Variants in DYNC1I1 observed in about 807,000 individuals in gnomAD.
The protein encoded by DYNC1I1 is dynein cytoplasmic 1 intermediate chain 1, also known as cytoplasmic dynein 1 intermediate chain 1.
Under a neutral mutation model 86.6 loss-of-function variants are expected in DYNC1I1, and 43 were observed. The observed-to-expected ratio is 0.50, with a 90% CI of 0.39 to 0.64. DYNC1I1 has a LOEUF of 0.64. Among genes scored for constraint, DYNC1I1 ranks in the 30% least tolerant of loss-of-function variants. The pLI, the probability that DYNC1I1 is intolerant of heterozygous loss-of-function variation, is 0.00. For missense variants in DYNC1I1, 604 were observed against 788.8 expected (o/e 0.77, Z 2.81); for synonymous variants, 262 against 283.7 (o/e 0.92, Z 0.77).
chr7:95,984,194 T>A (rs1793525195), intron 7 of DYNC1I1, among the ~76,000 whole-genome samples: 1 of 152,212 alleles, frequency 6.6e-6, no homozygotes, highest in East Asian at 1.9e-4. Flanking sequence ...GGTTGTTTTA[T>A]AGAAGCATGT....
intron 16 of DYNC1I1, among the ~76,000 whole-genome samples, chr7:96,087,808 G>A (rs754187017): frequency 1.3e-5 from 2 of 152,066 alleles, no homozygotes; most frequent in Non-Finnish European, 2.9e-5. Flanking sequence ...AAGTCAAGGG[G>A]CACCAAGATA....
rs1191933808 is a variant in DYNC1I1 at position 95,902,086 on chromosome 7, T to C, written c.490+32088T>C. On this transcript the variant is annotated intron_variant, in intron 6 of 16. Transcript: ENST00000447467. ...TTTCTTTAGCTGCTGTCTGCAAATA[T>C]TGGTATTTAAGGGCGGCTCTAAAGT... 3.9e-5 allele frequency among the ~76,000 whole-genome samples: 6 copies of C among 152,266 alleles called. No individual in the cohort carries two copies. The East Asian group carries it at 1.2e-3, about 30-fold the overall frequency.
intron 16 of DYNC1I1, among the ~76,000 whole-genome samples, chr7:96,081,025 G>T (rs994566142): frequency 4.2e-5 from 6 of 141,616 alleles, no homozygotes; most frequent in African/African-American, 1.7e-4. Context: ...AGCCGAGATT[G>T]CACCACTGCA....
intron 14 of DYNC1I1, among the ~76,000 whole-genome samples, chr7:96,049,133 C>T (rs989960070): frequency 6.6e-6 from 1 of 151,852 alleles, no homozygotes; most frequent in Non-Finnish European, 1.5e-5. Context: ...TGGCGGGTGC[C>T]TGTAGTCCCA....
chr7:95,808,861 ATAG>A (rs765476005), intron 2 of DYNC1I1, among the ~76,000 whole-genome samples: 16 of 152,166 alleles, frequency 1.1e-4, no homozygotes, highest in Non-Finnish European at 7.4e-5. Flanking sequence ...TCATTAAAAC[ATAG>A]TAGGATTCTG....
At chr7:95,900,153 C>T (rs1438041825) in intron 6 of DYNC1I1, among the ~76,000 whole-genome samples, 1 of 152,152 alleles carries the variant, frequency 6.6e-6, no homozygotes, top group East Asian at 1.9e-4. Flanking sequence ...GAGGTCCATC[C>T]TACTGCATTT....
rs1442050823 is a variant in DYNC1I1, at chr7:96,007,333, G to A, written c.969+11260G>A. On this transcript the variant is annotated intron_variant, in intron 10 of 16. Coordinates refer to ENST00000447467, the MANE Select transcript of DYNC1I1 (RefSeq NM_001135556.2). ...TGTCTGTATCATGGATACTTATCCT[G>A]AGGGATCCAACAGTGTTGAATCTTG... 2.0e-5 allele frequency among the ~76,000 whole-genome samples: 3 copies of A among 152,134 alleles called. No homozygotes were observed. In the East Asian group the frequency reaches 5.8e-4, roughly 29 times the overall value.
intron 4 of DYNC1I1, among the ~76,000 whole-genome samples, chr7:95,819,523 C>G (rs1403985385): frequency 6.6e-6 from 1 of 152,048 alleles, no homozygotes; most frequent in Non-Finnish European, 1.5e-5. Context: ...AAAGCATCAT[C>G]ATCTTCTAAG....
At chr7:96,095,251 A>G (rs1790967584) in intron 16 of DYNC1I1, among the ~76,000 whole-genome samples, 1 of 152,214 alleles carries the variant, frequency 6.6e-6, no homozygotes, top group Admixed American at 6.5e-5. Context: ...AACTGTGTGT[A>G]GACATTTATT....
chr7:96,107,158 CTGAGA>C (rs1451817690), intron 16 of DYNC1I1, among the ~76,000 whole-genome samples: 1 of 151,956 alleles, frequency 6.6e-6, no homozygotes, highest in Non-Finnish European at 1.5e-5. Context: ...TCCCGAGAAG[CTGAGA>C]TTACAGGTGC....
chr7:96,049,798 G>A (rs1273432471), intron 14 of DYNC1I1, among the ~76,000 whole-genome samples: 3 of 152,052 alleles, frequency 2.0e-5, no homozygotes, highest in Non-Finnish European at 2.9e-5. Context: ...TTGGGAAGCC[G>A]AGGTGAGCGG....
At chr7:95,832,910 T>G (rs1395056722) in intron 5 of DYNC1I1, among the ~76,000 whole-genome samples, 1 of 152,140 alleles carries the variant, frequency 6.6e-6, no homozygotes, top group Non-Finnish European at 1.5e-5. Context: ...TTTCTCCCAT[T>G]TTGTAGGTTG....
intron 5 of DYNC1I1, among the ~76,000 whole-genome samples, chr7:95,865,426 C>G (rs914320057): frequency 6.6e-6 from 1 of 151,850 alleles, no homozygotes; most frequent in African/African-American, 2.4e-5. Flanking sequence ...TCCCTTTTTT[C>G]CTCTCTACCT....
At chr7:95,980,180 CAAAAAGAA>C (rs1793418778) in intron 7 of DYNC1I1, among the ~76,000 whole-genome samples, 17 of 152,202 alleles carry the variant, frequency 1.1e-4, no homozygotes, top group Admixed American at 9.2e-4. Flanking sequence ...TGTTAAAAGT[CAAAAAGAA>C]GTTTGAAAGA....
intron 14 of DYNC1I1, among the ~76,000 whole-genome samples, chr7:96,048,823 A>G (rs1388325733): frequency 6.6e-6 from 1 of 152,194 alleles, no homozygotes; most frequent in East Asian, 1.9e-4. Context: ...CGGTGAATGT[A>G]TTTGAAACCC....
intron 6 of DYNC1I1, among the ~76,000 whole-genome samples, chr7:95,898,658 A>G (rs925737149): frequency 7.2e-5 from 11 of 152,220 alleles, no homozygotes; most frequent in African/African-American, 2.7e-4. Context: ...TTACTTCTTT[A>G]TGCAAAGGAA....
chr7:95,876,593 CAG>C (rs1790314866), intron 6 of DYNC1I1, among the ~76,000 whole-genome samples: 1 of 152,130 alleles, frequency 6.6e-6, no homozygotes. Flanking sequence ...CAAAGACAAA[CAG>C]AAAAGCATAT....
intron 6 of DYNC1I1, among the ~76,000 whole-genome samples, chr7:95,875,701 C>T (rs1277303359): frequency 6.6e-6 from 1 of 152,194 alleles, no homozygotes; most frequent in Non-Finnish European, 1.5e-5. Context: ...TGCTGGCTGA[C>T]ATCTGTTGCC....
intron 7 of DYNC1I1, among the ~76,000 whole-genome samples, chr7:95,980,235 TC>T (rs760317133): frequency 1.2e-4 from 18 of 152,020 alleles, no homozygotes; most frequent in Middle Eastern, 3.2e-3. Flanking sequence ...TGCCTTATTC[TC>T]CATTAATGGC....
Sources: allele counts gnomAD v4.1 joint callset (sites outside exome capture counted in the v4.1 genomes callset), GRCh38; gene constraint gnomAD v4.1.1; transcripts MANE v1.5; gene names NCBI Gene and HGNC (gene_info 2026-07-23, HGNC 2026-07-21).